NLGN1: variants seen among roughly 807,000 people sequenced by gnomAD.
The protein encoded by NLGN1 is neuroligin 1.
Under a neutral mutation model 65.5 loss-of-function variants are expected in NLGN1, and 12 were observed. The ratio of observed to expected loss-of-function variants is 0.18; its 90% CI spans 0.12 to 0.30. NLGN1 has a LOEUF of 0.30. NLGN1 is among the 10% of genes least tolerant of loss of function. The pLI is 1.00. For synonymous variants in NLGN1, 350 were observed against 359.5 expected (o/e 0.97, Z 0.30); for missense variants, 750 against 1,007.1 (o/e 0.74, Z 3.46).
rs375367690 is a variant in NLGN1 at position 173,925,893 on chromosome 3, T to A, written c.646+118061T>A. Among the ~76,000 whole-genome samples, 16 of 152,068 alleles carry A rather than the reference T, an allele frequency of 1.1e-4. No homozygotes were observed. The East Asian group carries it at 2.9e-3, about 27-fold the overall frequency. ...TTGATTATTTTAAAAATAAAATCTA[T>A]GTCATTGTTCTGATTTCTCTCACTC... On this transcript the variant is annotated intron_variant, in intron 4 of 6. Coordinates refer to ENST00000457714, the Ensembl canonical transcript of NLGN1.
chr3:173,578,787 C>T (rs1745940665), intron 2 of NLGN1, among the ~76,000 whole-genome samples: 1 of 152,144 alleles, frequency 6.6e-6, no homozygotes, highest in African/African-American at 2.4e-5. Context: ...AGAGAACCTG[C>T]TCTGAGGTTA....
At chr3:173,554,355 T>C (rs1741378972) in intron 2 of NLGN1, among the ~76,000 whole-genome samples, 1 of 152,108 alleles carries the variant, frequency 6.6e-6, no homozygotes, top group South Asian at 2.1e-4. Context: ...TAGAATGCAG[T>C]GGTAAGAGAG....
chr3:173,533,937 G>A (rs1044232720), intron 2 of NLGN1, among the ~76,000 whole-genome samples: 4 of 152,036 alleles, frequency 2.6e-5, no homozygotes, highest in Non-Finnish European at 4.4e-5. Flanking sequence ...AGCCGTGATC[G>A]TGCCACTGCA....
intron 2 of NLGN1, among the ~76,000 whole-genome samples, chr3:173,500,710 A>G (rs1012588533): frequency 3.3e-5 from 5 of 151,848 alleles, no homozygotes; most frequent in African/African-American, 9.7e-5. Context: ...TAAGCTTTTA[A>G]TTATTGCATC....
intron 4 of NLGN1, among the ~76,000 whole-genome samples, chr3:174,093,578 TAG>T (rs1744930619): frequency 6.6e-6 from 1 of 152,226 alleles, no homozygotes; most frequent in South Asian, 2.1e-4. Context: ...TGCCTAGCAA[TAG>T]GTTAATGCTG....
At chr3:173,786,886 G>A (rs1782053547) in intron 3 of NLGN1, among the ~76,000 whole-genome samples, 1 of 152,074 alleles carries the variant, frequency 6.6e-6, no homozygotes, top group South Asian at 2.1e-4. Context: ...AGACCACCTG[G>A]CCAACATAGT....
At chr3:173,416,458 A>G (rs567539010) in intron 1 of NLGN1, among the ~76,000 whole-genome samples, 1 of 152,346 alleles carries the variant, frequency 6.6e-6, no homozygotes, top group South Asian at 2.1e-4. Flanking sequence ...AACCAGGAGC[A>G]GCGTCTTCCC....
intron 2 of NLGN1, among the ~76,000 whole-genome samples, chr3:173,540,801 T>C (rs1484867854): frequency 6.6e-6 from 1 of 152,220 alleles, no homozygotes; most frequent in Non-Finnish European, 1.5e-5. Context: ...TTAGCTCCTT[T>C]GGTGCATATT....
chr3:173,928,606 GTCTC>G (rs1377821050), intron 4 of NLGN1, among the ~76,000 whole-genome samples: 1 of 151,674 alleles, frequency 6.6e-6, no homozygotes, highest in East Asian at 1.9e-4. Flanking sequence ...TTGGTATGAG[GTCTC>G]TCTGTCTCCC....
intron 2 of NLGN1, among the ~76,000 whole-genome samples, chr3:173,498,974 A>G (rs1257970462): frequency 2.0e-5 from 3 of 151,390 alleles, no homozygotes; most frequent in East Asian, 1.9e-4. Flanking sequence ...AGATGAGTAG[A>G]TTGCAAACAT....
chr3:174,146,128 CCTTCCTTCCTTCCTTCCTTCCTT>C (rs1254670926), intron 4 of NLGN1, among the ~76,000 whole-genome samples: 1,499 of 149,822 alleles, frequency 0.01, 32 homozygotes, highest in African/African-American at 0.035. Context: ...TTCCTTCCTT[CCTTCCTTCCTTCCTTCCTTCCTT>C]CCTCTCTCCC....
chr3:174,012,764 C>CA (rs1436026770), intron 4 of NLGN1, among the ~76,000 whole-genome samples: 1 of 152,046 alleles, frequency 6.6e-6, no homozygotes, highest in African/African-American at 2.4e-5. Flanking sequence ...GATCTAGCTC[C>CA]AAAAAGGACC....
At chr3:174,290,938 A>C (rs748159349), downstream of NLGN1, among the ~76,000 whole-genome samples, 26 of 151,122 alleles carry the variant, frequency 1.7e-4, no homozygotes, top group Admixed American at 3.3e-4. Context: ...TTAAGAATAT[A>C]ATACAACCTA....
chr3:173,747,366 A>T (rs1464947543), intron 3 of NLGN1, among the ~76,000 whole-genome samples: 2 of 20,066 alleles, frequency 1.0e-4, no homozygotes, highest in Non-Finnish European at 1.8e-4. Flanking sequence ...ATACTTAAAG[A>T]TATATATATA....
intron 3 of NLGN1, among the ~76,000 whole-genome samples, chr3:173,783,935 T>C (rs538350195): frequency 6.6e-6 from 1 of 152,282 alleles, no homozygotes; most frequent in Admixed American, 6.5e-5. Flanking sequence ...TTTATAATAT[T>C]CTGGTAATGT....
intron 4 of NLGN1, among the ~76,000 whole-genome samples, chr3:174,052,916 C>G (rs1037638853): frequency 3.3e-5 from 5 of 151,966 alleles, no homozygotes; most frequent in African/African-American, 1.2e-4. Context: ...TTCTTTCTAT[C>G]AAAAATGCTC....
intron 4 of NLGN1, among the ~76,000 whole-genome samples, chr3:173,973,781 T>C (rs1716816232): frequency 6.6e-6 from 1 of 152,090 alleles, no homozygotes; most frequent in South Asian, 2.1e-4. Context: ...AATTTGATAG[T>C]AATAATGTTG....
upstream of NLGN1, chr3:173,397,698 T>C (rs1401556786): frequency 2.6e-5 from 4 of 151,954 alleles, no homozygotes; most frequent in Admixed American, 2.6e-4. Context: ...CCGCGGAGGG[T>C]TGACCCTTCA....
intron 4 of NLGN1, among the ~76,000 whole-genome samples, chr3:173,914,556 C>T (rs1308142349): frequency 1.3e-5 from 2 of 151,590 alleles, no homozygotes; most frequent in Non-Finnish European, 2.9e-5. Flanking sequence ...CACACACACA[C>T]ATATGTATAT....
Sources: allele counts gnomAD v4.1 joint callset (sites outside exome capture counted in the v4.1 genomes callset), GRCh38; gene constraint gnomAD v4.1.1; transcripts MANE v1.5; gene names NCBI Gene and HGNC (gene_info 2026-07-23, HGNC 2026-07-21).